Variants in TMTC2 observed in about 807,000 individuals in gnomAD.
TMTC2 encodes the protein transmembrane O-mannosyltransferase targeting cadherins 2.
In TMTC2, 43 loss-of-function variants were observed where a neutral mutation model predicts 82.4. That is an observed-to-expected ratio of 0.52 (90% CI 0.41 to 0.67). The LOEUF (loss-of-function observed/expected upper bound fraction) is 0.67, where lower values mean the gene tolerates loss of function less well. Ranked by LOEUF, TMTC2 falls within the 30% of genes least tolerant of loss-of-function variation. The probability of loss-of-function intolerance (pLI) is 0.00; values close to 1 mark genes in which losing one functional copy is unlikely to be tolerated. For synonymous variants in TMTC2, 408 were observed against 381.9 expected (o/e 1.07, Z -0.80); for missense variants, 919 against 1,012.4 (o/e 0.91, Z 1.25).
At chr12:82,946,951 C>T (rs1877039996) in intron 4 of TMTC2, among the ~76,000 whole-genome samples, 1 of 151,946 alleles carries the variant, frequency 6.6e-6, no homozygotes, top group South Asian at 2.1e-4. Context: ...GCAGTGTTAG[C>T]CAAGATGGTC....
chr12:82,689,727 GTAAGTTTTT>G (rs1872496004), intron 1 of TMTC2, among the ~76,000 whole-genome samples: 2 of 152,158 alleles, frequency 1.3e-5, no homozygotes, highest in African/African-American at 4.8e-5. Context: ...GTTGGCAGTT[GTAAGTTTTT>G]CAGATGCAAT....
intron 1 of TMTC2, among the ~76,000 whole-genome samples, chr12:82,741,908 T>A (rs1875428361): frequency 6.6e-6 from 1 of 152,146 alleles, no homozygotes; most frequent in South Asian, 2.1e-4. Context: ...ATTACAGTGA[T>A]CAAGAAGAGC....
At chr12:82,917,837 CG>C (rs1565809192) in intron 3 of TMTC2, among the ~76,000 whole-genome samples, 2 of 151,332 alleles carry the variant, frequency 1.3e-5, no homozygotes, top group African/African-American at 4.9e-5. Flanking sequence ...CTCCTGACCT[CG>C]TGATCCACCC....
intron 9 of TMTC2, among the ~76,000 whole-genome samples, chr12:83,044,267 A>G (rs1882005957): frequency 6.6e-6 from 1 of 152,218 alleles, no homozygotes; most frequent in African/African-American, 2.4e-5. Flanking sequence ...TTAAATCTCC[A>G]AAGTGTGCCA....
intron 1 of TMTC2, among the ~76,000 whole-genome samples, chr12:82,732,527 T>C (rs1223076210): frequency 1.3e-5 from 2 of 152,222 alleles, no homozygotes; most frequent in South Asian, 4.2e-4. Flanking sequence ...GTATTTTTAG[T>C]AGAAATGGGG....
intron 1 of TMTC2, among the ~76,000 whole-genome samples, chr12:82,695,700 G>A (rs910402228): frequency 1.3e-5 from 2 of 152,228 alleles, no homozygotes; most frequent in Non-Finnish European, 2.9e-5. Context: ...GCATGTAGAA[G>A]TGACATCCCT....
At chr12:83,089,225 T>C (rs571649964) in intron 11 of TMTC2, among the ~76,000 whole-genome samples, 1 of 152,328 alleles carries the variant, frequency 6.6e-6, no homozygotes, top group East Asian at 1.9e-4. Context: ...TTATGCTTTT[T>C]TGGAGCATCC....
chr12:82,707,949 T>C (rs1873442865), intron 1 of TMTC2, among the ~76,000 whole-genome samples: 1 of 152,192 alleles, frequency 6.6e-6, no homozygotes, highest in African/African-American at 2.4e-5. Flanking sequence ...CTATAGGAGA[T>C]AGTTGATTCA....
At chr12:82,921,073 T>G (rs536254722) in intron 3 of TMTC2, among the ~76,000 whole-genome samples, 33 of 152,304 alleles carry the variant, frequency 2.2e-4, no homozygotes, top group African/African-American at 7.2e-4. Flanking sequence ...AGTTTTATTT[T>G]GTTACTACTG....
intron 1 of TMTC2, among the ~76,000 whole-genome samples, chr12:82,825,438 CAG>C (rs1869359482): frequency 6.6e-6 from 1 of 152,100 alleles, no homozygotes; most frequent in South Asian, 2.1e-4. Context: ...CCAAGAGACA[CAG>C]GGGAACAATG....
At chr12:83,010,161 A>G (rs1796191) in intron 8 of TMTC2, among the ~76,000 whole-genome samples, 136,509 of 151,996 alleles carry the variant, frequency 0.9, 61,322 homozygotes, top group South Asian at 0.97. Context: ...CTAATATTGT[A>G]TAAACATACT....
At chr12:82,992,254 G>A (rs1383033516) in intron 8 of TMTC2, among the ~76,000 whole-genome samples, 5 of 152,138 alleles carry the variant, frequency 3.3e-5, no homozygotes, top group Admixed American at 2.6e-4. Flanking sequence ...ATTATTTAGA[G>A]CTAAGACTTC....
At chr12:82,808,834 G>C (rs1879360645) in intron 1 of TMTC2, among the ~76,000 whole-genome samples, 1 of 151,752 alleles carries the variant, frequency 6.6e-6, no homozygotes, top group Non-Finnish European at 1.5e-5. Context: ...TTAATGTATA[G>C]ATTTTCTATA....
chr12:83,126,092 G>A (rs1018695697), intron 11 of TMTC2, among the ~76,000 whole-genome samples: 1 of 152,258 alleles, frequency 6.6e-6, no homozygotes, highest in Middle Eastern at 3.4e-3. Flanking sequence ...ATATCAAGAT[G>A]TCTAAGTCTG....
chr12:82,815,523 A>G (rs1005918904), intron 1 of TMTC2, among the ~76,000 whole-genome samples: 1 of 152,120 alleles, frequency 6.6e-6, no homozygotes, highest in Non-Finnish European at 1.5e-5. Flanking sequence ...CGTGTTAGCC[A>G]GGATGGTCTG....
chr12:82,947,606 A>G (rs1877088404), intron 4 of TMTC2, among the ~76,000 whole-genome samples: 1 of 152,140 alleles, frequency 6.6e-6, no homozygotes, highest in Admixed American at 6.5e-5. Context: ...CTGGGATTAC[A>G]GGCGTGAGCC....
intron 1 of TMTC2, among the ~76,000 whole-genome samples, chr12:82,834,960 C>A (rs1029216652): frequency 6.6e-6 from 1 of 151,994 alleles, no homozygotes; most frequent in Non-Finnish European, 1.5e-5. Flanking sequence ...CCACTGCAAC[C>A]TCTGTCTCCC....
chr12:82,865,728 G>A lies in TMTC2; in HGVS notation c.654+8148G>A, dbSNP rs1056821143. On this transcript the variant is annotated intron_variant, in intron 2 of 11. Transcript: ENST00000321196. The stretch of plus-strand genomic sequence containing the variant: ...TATACATTCTTCCCAGCACCACACC[G>A]CACTTATTCCAAAATTGACCACATA... Among the ~76,000 whole-genome samples, 19 of 152,110 alleles carry A rather than the reference G, an allele frequency of 1.2e-4. No individual in the cohort carries two copies. The East Asian group carries it at 1.7e-3, about 14-fold the overall frequency.
At position 83,061,831 on chromosome 12, in the gene TMTC2, T is replaced by C. The variant is rs780573486; in HGVS notation, c.2331T>C (p.Asn777=). The C allele has an allele frequency of 1.8e-5, 28 of 1,593,686 alleles. No individual in the cohort carries two copies. The highest frequency in any genetic ancestry group is 2.3e-5 in the Non-Finnish European group (27 of 1,170,248). The change falls in exon 11 of 12, where the codon AAT becomes AAC. Residue 777 remains asparagine, a splice_region_variant and synonymous_variant. Coordinates refer to ENST00000321196, the MANE Select transcript of TMTC2 (RefSeq NM_152588.3). ...YYDLAARLRP[N]YPAALMNLGA... is the part of the protein sequence containing the mutation. ...ATCTGGCAGCCAGGCTGAGGCCTAA[T>C]GTAAGTACTTCCCTAATGAGAAACA...
Sources: allele counts gnomAD v4.1 joint callset (sites outside exome capture counted in the v4.1 genomes callset), GRCh38; gene constraint gnomAD v4.1.1; transcripts MANE v1.5; gene names NCBI Gene and HGNC (gene_info 2026-07-23, HGNC 2026-07-21).